CD81: variants seen among roughly 807,000 people sequenced by gnomAD.
CD81 encodes CD81 molecule, also known as CD81 antigen.
In CD81, 10 loss-of-function variants were observed where a neutral mutation model predicts 30.1. The observed-to-expected ratio is 0.33, with a 90% CI of 0.21 to 0.56. The LOEUF is 0.56. CD81 is among the 20% of genes least tolerant of loss of function. The pLI is 0.89. For missense variants in CD81, 263 were observed against 308.7 expected (o/e 0.85, Z 1.11); for synonymous variants, 147 against 126.4 (o/e 1.16, Z -1.10).
Position 2,390,542 on chromosome 11 carries a change from G to C in CD81, c.181+16G>C. 1.3e-6 allele frequency: 2 copies of C among 1,562,510 alleles called. No individual in the cohort carries two copies. Among genetic ancestry groups the C allele is most frequent in the Non-Finnish European group, 1.8e-6 (2 of 1,134,062 alleles). ...TTCTATGTAGGTGAGTGCACATGTG[G>C]CCGCAGACGCATTCAGGGAGGGCTT... On this transcript the variant is annotated intron_variant, in intron 2 of 7. Transcript: ENST00000263645.
In CD81 at chr11:2,396,610, G is replaced by T. The variant is rs532224831; in HGVS notation, c.562-18G>T. On this transcript the variant is annotated intron_variant, in intron 6 of 7. Transcript: ENST00000263645. ...CGAGGCCCGGTCCCTGACCACGCGT[G>T]CCTGGCCACCCCTGCAGGAGGACTG... is the stretch of plus-strand genomic sequence containing the variant. 2.8e-4 allele frequency: 449 copies of T among 1,606,764 alleles called. 5 individuals carry two copies. The South Asian group carries it at 4.6e-3, about 17-fold the overall frequency.
chr11:2,389,554 C>G (rs535513355), intron 1 of CD81, among the ~76,000 whole-genome samples: 1 of 152,078 alleles, frequency 6.6e-6, no homozygotes, highest in Non-Finnish European at 1.5e-5. Flanking sequence ...GTGTGCACAC[C>G]GGATGACCCG....
At chr11:2,388,740 C>CT (rs1849842053) in intron 1 of CD81, among the ~76,000 whole-genome samples, 1 of 151,574 alleles carries the variant, frequency 6.6e-6, no homozygotes, top group South Asian at 2.1e-4. Context: ...TGGCCCCCCC[C>CT]GGGTGCCTCC....
intron 1 of CD81, among the ~76,000 whole-genome samples, chr11:2,383,313 C>T (rs1340074627): frequency 6.6e-6 from 1 of 152,096 alleles, no homozygotes; most frequent in East Asian, 1.9e-4. Context: ...CCCTACGTCA[C>T]CCAGGGAGGA....
intron 6 of CD81, 119 bp downstream of exon 6, chr11:2,396,089 GCCCCTGTCA>G: frequency 1.9e-6 from 1 of 522,984 alleles, no homozygotes; most frequent in East Asian, 5.1e-5. Flanking sequence ...GGGTGGCATG[GCCCCTGTCA>G]GGGCTGCTCT....
At position 2,377,683 on chromosome 11, in the gene CD81, GGCAGCGTGCTAGGCCCCGCGGGC is replaced by G; in HGVS notation, c.66+75_66+97del. 1 of 1,129,266 alleles carries G rather than the reference GGCAGCGTGCTAGGCCCCGCGGGC, an allele frequency of 8.9e-7. No homozygotes were observed. Among genetic ancestry groups the G allele is most frequent in the Non-Finnish European group, 1.2e-6 (1 of 808,822 alleles). The allele number at this position is 1,129,266 out of a possible 1,614,324, so 70.0% of individuals were successfully genotyped here. ...ACACTCCACGTTGGGCAGGTCCCGC[GGCAGCGTGCTAGGCCCCGCGGGC>G]GCAGCGCGGGCCGCGAAGTTGTGGG... On this transcript the variant is annotated intron_variant, in intron 1 of 7. Transcript: ENST00000263645. This position sits in a 1 kb window ranked among gnomAD's most constrained non-coding sequence, Gnocchi z 7.7.
chr11:2,396,292 CAT>C (rs1368261454), intron 6 of CD81: 7 of 568,706 alleles, frequency 1.2e-5, no homozygotes, highest in Non-Finnish European at 2.2e-5. Context: ...GCCTGCAGGC[CAT>C]ATAGTGCCCT....
At chr11:2,385,307 A>G (rs550572205) in intron 1 of CD81, among the ~76,000 whole-genome samples, 1 of 152,208 alleles carries the variant, frequency 6.6e-6, no homozygotes, top group East Asian at 1.9e-4. Context: ...CCAACTCCCC[A>G]GGTGCCCCTG....
Position 2,386,764 on chromosome 11 carries a change from C to T in CD81, c.67-3648C>T, listed in dbSNP as rs912062170. ...GACAGGCTGGCGTCACCCCCATTTC[C>T]GGCTGTCCCTCCCACCCCCTCCTGG... On this transcript the variant is annotated intron_variant, in intron 1 of 7. Transcript: ENST00000263645. The T allele has an allele frequency of 2.5e-4, 161 of 655,776 alleles. 2 individuals are homozygous for T. Among genetic ancestry groups the T allele is most frequent in the Middle Eastern group, 2.4e-4 (1 of 4,086 alleles). The allele number at this position is 655,776 out of a possible 1,614,324, so 40.6% of individuals were successfully genotyped here.
At chr11:2,396,782 GC>G (rs757201726) in intron 7 of CD81, 21 bp from the exon 8 acceptor site, 2 of 1,612,370 alleles carry the variant, frequency 1.2e-6, no homozygotes, top group Non-Finnish European at 1.7e-6. Context: ...TGCTGACTGC[GC>G]CCCCCACCAC....
Position 2,391,087 on chromosome 11 carries a change from TGGAGGA to T in CD81, c.181+570_181+575del, listed in dbSNP as rs1283168292. 3 of 206,500 alleles carry T rather than the reference TGGAGGA, an allele frequency of 1.5e-5. No individual in the cohort carries two copies. The South Asian group carries it at 2.6e-4, about 18-fold the overall frequency. 12.8% of individuals were successfully genotyped at this position (206,500 alleles called of 1,614,324 possible). ...CCCCCAGGAGCAGGAGCAGGAGTGA[TGGAGGA>T]GGAGGAGGGGAGGGGCAAGGCCAGG... On this transcript the variant is annotated intron_variant, in intron 2 of 7. Coordinates refer to ENST00000263645, the MANE Select transcript of CD81 (RefSeq NM_004356.4).
At chr11:2,383,548 C>T (rs1481234879) in intron 1 of CD81, among the ~76,000 whole-genome samples, 1 of 152,138 alleles carries the variant, frequency 6.6e-6, no homozygotes. Context: ...CACTGTCCTC[C>T]TGGGGAGGGT....
chr11:2,396,988 T>G lies in CD81; in HGVS notation c.*122T>G. 1 of 946,940 alleles carries G rather than the reference T, an allele frequency of 1.1e-6. No individual in the cohort carries two copies. Among genetic ancestry groups the G allele is most frequent in the Non-Finnish European group, 1.6e-6 (1 of 610,334 alleles). The allele number at this position is 946,940 out of a possible 1,614,324, so 58.7% of individuals were successfully genotyped here. On this transcript the variant is annotated 3_prime_UTR_variant, in exon 8 of 8. Coordinates refer to ENST00000263645, the MANE Select transcript of CD81 (RefSeq NM_004356.4). ...CGGTATTACTCTGCTACACGTAGCCTTTTTACTTTTGGGGTTTTGTTTTTG... is the reference window on the plus strand; with the variant it reads ...CGGTATTACTCTGCTACACGTAGCCGTTTTACTTTTGGGGTTTTGTTTTTG...
At position 2,377,515 on chromosome 11, in the gene CD81, C is replaced by T. The variant is rs1849618842; in HGVS notation, c.-35C>T. On this transcript the variant is annotated 5_prime_UTR_variant, in exon 1 of 8. Transcript: ENST00000263645. This position sits in a 1 kb window ranked among gnomAD's most constrained non-coding sequence, Gnocchi z 7.7. ...GGCCCGCCCGCCGCCCAGGACCGGC[C>T]CGCGCCCCGCAGGCCGCCCGCCGCC... 2.5e-5 allele frequency: 31 copies of T among 1,231,624 alleles called. No individual in the cohort carries two copies. The highest frequency in any genetic ancestry group is 3.3e-5 in the Non-Finnish European group (31 of 949,842). 76.3% of individuals were successfully genotyped at this position (1,231,624 alleles called of 1,614,324 possible).
intron 3 of CD81, among the ~76,000 whole-genome samples, chr11:2,394,550 C>A (rs1042573207): frequency 1.3e-5 from 2 of 152,192 alleles, no homozygotes; most frequent in Admixed American, 1.3e-4. Context: ...GAGCCTATGC[C>A]CGTGTCTCCA....
chr11:2,392,466 A>T (rs1381649561), intron 2 of CD81: 3 of 152,342 alleles, frequency 2.0e-5, no homozygotes, highest in African/African-American at 7.2e-5. Context: ...GCCACATCAG[A>T]GCTCCAGCCC....
At chr11:2,377,198 C>T (rs562574803), upstream of CD81, 1 of 152,750 alleles carries the variant, frequency 6.5e-6, no homozygotes, top group East Asian at 1.9e-4. This position sits in a 1 kb window ranked among gnomAD's most constrained non-coding sequence, Gnocchi z 7.7. Flanking sequence ...CGGCTGCGCG[C>T]CCTGGCGGCA....
upstream of CD81, chr11:2,377,238 T>G (rs1849608742): frequency 2.7e-5 from 4 of 149,848 alleles, no homozygotes; most frequent in South Asian, 2.0e-4. This position sits in a 1 kb window ranked among gnomAD's most constrained non-coding sequence, Gnocchi z 7.7. Flanking sequence ...GGGCGTGAGC[T>G]GGCCGGGGCG....
In CD81 at chr11:2,396,943, G is replaced by T; in HGVS notation, c.*77G>T. 1 of 1,336,330 alleles carries T rather than the reference G, an allele frequency of 7.5e-7. No individual in the cohort carries two copies. Among genetic ancestry groups the T allele is most frequent in the Non-Finnish European group, 1.1e-6 (1 of 936,886 alleles). The allele number at this position is 1,336,330 out of a possible 1,614,324, so 82.8% of individuals were successfully genotyped here. On this transcript the variant is annotated 3_prime_UTR_variant, in exon 8 of 8. Transcript: ENST00000263645. ...GGACACTTCCGAGGGGGCCATCACC[G>T]CCTGTGTATATAACGTTTCCGGTAT... is the stretch of plus-strand genomic sequence containing the variant.
Sources: gnomAD v4.1 joint callset for allele counts (sites outside exome capture counted in the v4.1 genomes callset) on GRCh38, gnomAD v4.1.1 for gene constraint, Gnocchi (gnomAD v3.1) non-coding constraint, MANE v1.5 for transcripts, NCBI Gene and HGNC (gene_info 2026-07-23, HGNC 2026-07-21) for gene names.